Variants in DGKI observed in about 807,000 individuals in gnomAD.
The protein encoded by DGKI is DAG kinase iota.
Under a neutral mutation model 147.5 loss-of-function variants are expected in DGKI, and 55 were observed. The ratio of observed to expected loss-of-function variants is 0.37; its 90% CI spans 0.30 to 0.47. DGKI has a LOEUF of 0.47. Among genes scored for constraint, DGKI ranks in the 20% least tolerant of loss-of-function variants. The pLI is 1.00. For missense variants in DGKI, 1,007 were observed against 1,323.8 expected (o/e 0.76, Z 3.71); for synonymous variants, 469 against 477.1 (o/e 0.98, Z 0.22).
intron 1 of DGKI, among the ~76,000 whole-genome samples, chr7:137,697,978 A>T (rs945752500): frequency 1.3e-5 from 2 of 151,650 alleles, no homozygotes; most frequent in African/African-American, 2.4e-5. Flanking sequence ...CTATATATAT[A>T]TAGATATCTC....
In DGKI at chr7:137,474,446, T is replaced by C. The variant is rs559505950; in HGVS notation, c.2374-4827A>G. ...AACAAGAAAATCCAGGTACGAAGCA[T>C]AAATGGGTGCTGAAAATATATCTCA... On this transcript the variant is annotated intron_variant, in intron 23 of 32. Coordinates refer to ENST00000614521, the MANE Select transcript of DGKI (RefSeq NM_001321708.2). 7.9e-5 allele frequency among the ~76,000 whole-genome samples: 12 copies of C among 152,116 alleles called. No individual in the cohort carries two copies. In the South Asian group the frequency reaches 2.5e-3, roughly 32 times the overall value.
intron 12 of DGKI, among the ~76,000 whole-genome samples, chr7:137,590,660 C>T (rs79990177): frequency 2.0e-5 from 3 of 152,140 alleles, no homozygotes; most frequent in South Asian, 2.1e-4. Context: ...AAGTACGTGA[C>T]GTATCCCACA....
intron 1 of DGKI, among the ~76,000 whole-genome samples, chr7:137,765,614 C>T (rs1439519169): frequency 1.3e-5 from 2 of 152,154 alleles, no homozygotes; most frequent in East Asian, 3.8e-4. Flanking sequence ...CTGCAGAAAC[C>T]GTTCACTTGT....
intron 1 of DGKI, among the ~76,000 whole-genome samples, chr7:137,796,772 C>G (rs1261434676): frequency 6.6e-6 from 1 of 151,944 alleles, no homozygotes; most frequent in Non-Finnish European, 1.5e-5. Flanking sequence ...GTTTGAGAAA[C>G]AGAAAAGAAT....
chr7:137,638,567 C>CACATATATATACATATATACACATATAT (rs1554446544), intron 6 of DGKI, among the ~76,000 whole-genome samples: 2 of 33,118 alleles, frequency 6.0e-5, no homozygotes, highest in Non-Finnish European at 1.3e-4. Flanking sequence ...TATATATACA[C>CACATATATATACATATATACACATATAT]ACATATATGT....
chr7:137,548,496 A>G (rs1817936907), intron 20 of DGKI, among the ~76,000 whole-genome samples: 1 of 151,520 alleles, frequency 6.6e-6, no homozygotes. Flanking sequence ...TTAAATGAGT[A>G]TGGTGCCTCC....
intron 5 of DGKI, among the ~76,000 whole-genome samples, chr7:137,649,837 T>A (rs2129010062): frequency 6.6e-6 from 1 of 150,880 alleles, no homozygotes; most frequent in South Asian, 2.1e-4. Flanking sequence ...CCCAGTCCGT[T>A]ATGGCTTATG....
At chr7:137,834,917 C>T (rs558493982) in intron 1 of DGKI, among the ~76,000 whole-genome samples, 5 of 152,320 alleles carry the variant, frequency 3.3e-5, no homozygotes, top group South Asian at 2.1e-4. Context: ...ATATTGACAT[C>T]GCCCCTTCAC....
At chr7:137,543,144 G>A (rs769485893) in intron 20 of DGKI, among the ~76,000 whole-genome samples, 5 of 152,168 alleles carry the variant, frequency 3.3e-5, no homozygotes, top group Non-Finnish European at 7.4e-5. Context: ...CTGAATAGGA[G>A]TTGGCAATTA....
At chr7:137,429,309 T>C (rs1165711805) in intron 28 of DGKI, among the ~76,000 whole-genome samples, 1 of 152,026 alleles carries the variant, frequency 6.6e-6, no homozygotes, top group Non-Finnish European at 1.5e-5. Context: ...GGGAAAGGAT[T>C]CCCTATTTAA....
intron 1 of DGKI, among the ~76,000 whole-genome samples, chr7:137,791,229 A>G (rs143355040): frequency 9.2e-5 from 14 of 151,970 alleles, no homozygotes; most frequent in Admixed American, 7.2e-4. Context: ...CTCTTCTCTC[A>G]TCTTCCTCAG....
chr7:137,764,174 C>T (rs552849828), intron 1 of DGKI, among the ~76,000 whole-genome samples: 3 of 152,200 alleles, frequency 2.0e-5, no homozygotes, highest in Non-Finnish European at 4.4e-5. Context: ...GATCATATTC[C>T]TTAAAGTGCC....
At position 137,738,849 on chromosome 7, in the gene DGKI, C is replaced by T. The variant is rs149095368; in HGVS notation, c.402-48847G>A. Among the ~76,000 whole-genome samples, 577 of 151,628 alleles carry T rather than the reference C, an allele frequency of 3.8e-3. 1 individual carries two copies. The highest frequency in any genetic ancestry group is 0.013 in the African/African-American group (530 of 41,338). ...ATCCATCATCAGCCAAACCAGAACA[C>T]GCAGGTCTGGTTTCATCCTAACTGT... is the stretch of plus-strand genomic sequence containing the variant. On this transcript the variant is annotated intron_variant, in intron 1 of 32. Transcript: ENST00000614521.
intron 21 of DGKI, among the ~76,000 whole-genome samples, chr7:137,491,363 C>T (rs1490670280): frequency 3.3e-5 from 5 of 152,160 alleles, no homozygotes; most frequent in Admixed American, 2.0e-4. Flanking sequence ...AGCTGGCAGC[C>T]AGAACCTTAC....
chr7:137,557,525 A>C (rs1818266241), intron 19 of DGKI, among the ~76,000 whole-genome samples: 1 of 152,216 alleles, frequency 6.6e-6, no homozygotes, highest in African/African-American at 2.4e-5. Context: ...AGAGAAAAAT[A>C]AAATCAGTAT....
intron 21 of DGKI, among the ~76,000 whole-genome samples, chr7:137,490,035 C>T (rs73730633): frequency 0.021 from 3,142 of 152,220 alleles, 103 homozygotes; most frequent in African/African-American, 0.072. Context: ...AACAACTTTG[C>T]CTGTTCTTCA....
At chr7:137,493,892 C>T (rs1815864578) in intron 21 of DGKI, 2 of 636,174 alleles carry the variant, frequency 3.1e-6, no homozygotes, top group East Asian at 5.5e-5. Flanking sequence ...CATCGAGATT[C>T]AGGAGAAAGT....
At chr7:137,446,315 C>T (rs1813714174) in intron 27 of DGKI, among the ~76,000 whole-genome samples, 1 of 152,310 alleles carries the variant, frequency 6.6e-6, no homozygotes, top group East Asian at 1.9e-4. Flanking sequence ...GAAAATTAGT[C>T]ATGTTGAGTT....
intron 20 of DGKI, 115 bp downstream of exon 20, chr7:137,552,254 C>G (rs1728441): frequency 0.045 from 47,470 of 1,051,116 alleles, 4,289 homozygotes; most frequent in African/African-American, 0.3. Flanking sequence ...ACTACTGAGT[C>G]TCCTGGACTT....
Sources: gnomAD v4.1 joint callset for allele counts (sites outside exome capture counted in the v4.1 genomes callset) on GRCh38, gnomAD v4.1.1 for gene constraint, MANE v1.5 for transcripts, NCBI Gene and HGNC (gene_info 2026-07-23, HGNC 2026-07-21) for gene names.